PIP4K2A: variants seen among roughly 807,000 people sequenced by gnomAD.
The protein encoded by PIP4K2A is phosphatidylinositol-5-phosphate 4-kinase type 2 alpha, also known as phosphatidylinositol 5-phosphate 4-kinase type-2 alpha.
A neutral mutation model predicts 42.9 loss-of-function variants in PIP4K2A; 14 were observed. That is an observed-to-expected ratio of 0.33 (90% CI 0.22 to 0.51). The LOEUF (loss-of-function observed/expected upper bound fraction) is 0.51, where lower values mean the gene tolerates loss of function less well. Ranked by LOEUF, PIP4K2A falls within the 20% of genes least tolerant of loss-of-function variation. The pLI, the probability that PIP4K2A is intolerant of heterozygous loss-of-function variation, is 0.97. For synonymous variants in PIP4K2A, 192 were observed against 192.2 expected (o/e 1.00, Z 0.01); for missense variants, 434 against 519.8 (o/e 0.83, Z 1.61).
chr10:22,590,045 G>T (rs1238591307), intron 4 of PIP4K2A, among the ~76,000 whole-genome samples: 1 of 152,290 alleles, frequency 6.6e-6, no homozygotes, highest in Non-Finnish European at 1.5e-5. Context: ...GCCCTTATTA[G>T]AAGTGACAGA....
intron 1 of PIP4K2A, among the ~76,000 whole-genome samples, chr10:22,673,992 A>C (rs1839506105): frequency 6.6e-6 from 1 of 152,234 alleles, no homozygotes; most frequent in South Asian, 2.1e-4. Context: ...TTTGCAAATG[A>C]AAGCTCAACT....
At chr10:22,656,797 C>CAA (rs768722985) in intron 1 of PIP4K2A, among the ~76,000 whole-genome samples, 2 of 76,852 alleles carry the variant, frequency 2.6e-5, no homozygotes, top group African/African-American at 4.9e-5. Flanking sequence ...GACTCCATCT[C>CAA]AAAAAAAAAA....
In PIP4K2A at chr10:22,539,901, GA is replaced by G. The variant is rs1564410920; in HGVS notation, c.1140+69del. ...AGAGGAGCCAGGAGAGAGAGAGAGA[GA>G]GAGAGAGAGGGAGAGAGAGAGAGAG... On this transcript the variant is annotated intron_variant, in intron 9 of 9. Coordinates refer to ENST00000376573, the MANE Select transcript of PIP4K2A (RefSeq NM_005028.5). The G allele has an allele frequency of 2.2e-3, 1,412 of 627,876 alleles. 19 individuals are homozygous for G. The African/African-American group carries it at 0.037, about 16-fold the overall frequency. 38.9% of individuals were successfully genotyped at this position (627,876 alleles called of 1,614,324 possible).
At chr10:22,559,076 C>A (rs12261762) in intron 6 of PIP4K2A, among the ~76,000 whole-genome samples, 1 of 152,078 alleles carries the variant, frequency 6.6e-6, no homozygotes, top group Non-Finnish European at 1.5e-5. Context: ...TCGTTCCAGT[C>A]GTAACAGAAG....
intron 1 of PIP4K2A, among the ~76,000 whole-genome samples, chr10:22,637,621 T>G (rs1466741922): frequency 1.3e-5 from 2 of 152,130 alleles, no homozygotes; most frequent in East Asian, 3.9e-4. Flanking sequence ...GCAGTGAGGT[T>G]CAATGGCTGG....
chr10:22,573,025 G>A (rs1034498940), intron 5 of PIP4K2A, among the ~76,000 whole-genome samples: 6 of 152,114 alleles, frequency 3.9e-5, no homozygotes, highest in African/African-American at 1.4e-4. Context: ...TCAGCTCCCC[G>A]AGTGCAGGTT....
At chr10:22,707,708 T>C (rs1257215192) in intron 1 of PIP4K2A, among the ~76,000 whole-genome samples, 1 of 152,194 alleles carries the variant, frequency 6.6e-6, no homozygotes, top group Non-Finnish European at 1.5e-5. Context: ...GGGTAATCAA[T>C]TCAGCCTATG....
intron 1 of PIP4K2A, among the ~76,000 whole-genome samples, chr10:22,663,091 C>A (rs1386997035): frequency 6.6e-6 from 1 of 152,198 alleles, no homozygotes; most frequent in African/African-American, 2.4e-5. Context: ...GTCATTTGAG[C>A]TTAGTGTCAG....
intron 1 of PIP4K2A, among the ~76,000 whole-genome samples, chr10:22,706,437 C>T (rs1447495743): frequency 3.3e-5 from 5 of 152,218 alleles, no homozygotes; most frequent in Non-Finnish European, 5.9e-5. Flanking sequence ...CCAGCTGACC[C>T]CTCCGCCTGA....
At chr10:22,657,079 G>A (rs1839115713) in intron 1 of PIP4K2A, among the ~76,000 whole-genome samples, 1 of 152,158 alleles carries the variant, frequency 6.6e-6, no homozygotes, top group Non-Finnish European at 1.5e-5. Context: ...TGGCTCTAGG[G>A]CCATATTTTA....
chr10:22,590,880 C>G (rs959082819), intron 4 of PIP4K2A, among the ~76,000 whole-genome samples: 2 of 152,062 alleles, frequency 1.3e-5, no homozygotes, highest in South Asian at 4.1e-4. Flanking sequence ...AAAAAACAAC[C>G]AAGACCAGAA....
At position 22,591,730 on chromosome 10, in the gene PIP4K2A, C is replaced by T; in HGVS notation, c.391G>A (p.Gly131Arg). 6.2e-7 allele frequency: 1 copy of T among 1,613,486 alleles called. No homozygotes were observed. The highest frequency in any genetic ancestry group is 1.1e-5 in the South Asian group (1 of 90,966). ...TCGTAGGAAGTGTGAAAACGAGCTC[C>T]ACTGCGGGCCTGGGAGTCGTTGGGG... ...PLPNDSQARS[G>R]ARFHTSYDKR... Residue 131 changes from glycine to arginine, a missense_variant, in exon 4 of 10, where the codon GGA (glycine) becomes AGA (arginine). Around this residue, in one of 2 missense-constraint regions of PIP4K2A, gnomAD observed 395 missense variants for 444.5 expected, o/e 0.89. Coordinates refer to ENST00000376573, the MANE Select transcript of PIP4K2A (RefSeq NM_005028.5).
intron 6 of PIP4K2A, among the ~76,000 whole-genome samples, chr10:22,555,717 G>GTCTT (rs1234820216): frequency 6.6e-6 from 1 of 151,870 alleles, no homozygotes; most frequent in African/African-American, 2.4e-5. Context: ...CTAAAATAGG[G>GTCTT]TCTTTAAACT....
In PIP4K2A at chr10:22,576,993, G is replaced by A. The variant is rs547740575; in HGVS notation, c.493-3536C>T. 3.6e-3 allele frequency among the ~76,000 whole-genome samples: 536 copies of A among 149,192 alleles called. 1 individual carries two copies. Among genetic ancestry groups the A allele is most frequent in the African/African-American group, 0.013 (523 of 40,388 alleles). On this transcript the variant is annotated intron_variant, in intron 4 of 9. Transcript: ENST00000376573. ...GGAGGCTGGGTGAGGCAGGAGAATCGTTTGAATTTGGGAGGCGGAGGCTGC... is the reference window on the plus strand; with the variant it reads ...GGAGGCTGGGTGAGGCAGGAGAATCATTTGAATTTGGGAGGCGGAGGCTGC...
At chr10:22,709,794 C>T (rs1056360488) in intron 1 of PIP4K2A, among the ~76,000 whole-genome samples, 1 of 152,040 alleles carries the variant, frequency 6.6e-6, no homozygotes. Context: ...GAGTATAAAA[C>T]GACTTCCCTA....
chr10:22,692,195 G>T (rs571269517), intron 1 of PIP4K2A, among the ~76,000 whole-genome samples: 2 of 151,946 alleles, frequency 1.3e-5, no homozygotes, highest in African/African-American at 2.4e-5. Flanking sequence ...TCAGGTATTA[G>T]ATTTTCATAA....
Position 22,672,553 on chromosome 10 carries a change from C to A in PIP4K2A, c.144+41630G>T, listed in dbSNP as rs1356889095. The stretch of plus-strand genomic sequence containing the variant: ...ATATACAGGGATAGGGAAAACCCAG[C>A]CAGATCTGTGGGGCATCTGCACACA... On this transcript the variant is annotated intron_variant, in intron 1 of 9. Coordinates refer to ENST00000376573, the MANE Select transcript of PIP4K2A (RefSeq NM_005028.5). 2.6e-5 allele frequency among the ~76,000 whole-genome samples: 4 copies of A among 152,134 alleles called. No individual in the cohort carries two copies. In the East Asian group the frequency reaches 7.7e-4, roughly 29 times the overall value.
intron 3 of PIP4K2A, among the ~76,000 whole-genome samples, chr10:22,603,594 G>A (rs142021715): frequency 6.6e-6 from 1 of 152,196 alleles, no homozygotes; most frequent in Non-Finnish European, 1.5e-5. Flanking sequence ...GTATGCAATA[G>A]TTTTTAAAGA....
intron 1 of PIP4K2A, among the ~76,000 whole-genome samples, chr10:22,620,670 G>A (rs190089194): frequency 5.0e-4 from 76 of 152,314 alleles, no homozygotes; most frequent in Middle Eastern, 3.4e-3. Flanking sequence ...CACCGGGCCC[G>A]GCATCACTCA....
Sources: allele counts gnomAD v4.1 joint callset (sites outside exome capture counted in the v4.1 genomes callset), GRCh38; gene constraint gnomAD v4.1.1; regional missense constraint gnomAD v4.1.1; transcripts MANE v1.5; gene names NCBI Gene and HGNC (gene_info 2026-07-23, HGNC 2026-07-21).